SMYD4: variants seen among roughly 807,000 people sequenced by gnomAD.
SMYD4 encodes protein-lysine N-methyltransferase SMYD4.
In SMYD4, 68 loss-of-function variants were observed where a neutral mutation model predicts 72.8. The observed-to-expected ratio is 0.93, with a 90% CI of 0.77 to 1.14. SMYD4 has a LOEUF of 1.14. Among genes scored for constraint, SMYD4 ranks in the 50% most tolerant of loss-of-function variants. The pLI is 0.00. For missense variants in SMYD4, 984 were observed against 1,003.7 expected (o/e 0.98, Z 0.27); for synonymous variants, 407 against 388.6 (o/e 1.05, Z -0.56).
chr17:1,812,611 T>C, intron 2 of SMYD4, among the ~76,000 whole-genome samples: 1 of 141,584 alleles, frequency 7.1e-6, no homozygotes, highest in East Asian at 2.2e-4. Flanking sequence ...TGCAGAATCA[T>C]GATCTCGGCT....
At chr17:1,788,103 A>C (rs529069490) in intron 5 of SMYD4, among the ~76,000 whole-genome samples, 4 of 152,266 alleles carry the variant, frequency 2.6e-5, no homozygotes, top group African/African-American at 7.2e-5. Flanking sequence ...CCTGCCTGAA[A>C]TCCCGAGGCT....
chr17:1,801,887 A>G (rs894537235), intron 4 of SMYD4, among the ~76,000 whole-genome samples: 1 of 151,912 alleles, frequency 6.6e-6, no homozygotes, highest in African/African-American at 2.4e-5. Flanking sequence ...GAGGCAGGAG[A>G]AACGCTTGAA....
intron 3 of SMYD4, 89 bp from the exon 4 acceptor site, chr17:1,804,804 G>T: frequency 1.5e-6 from 2 of 1,309,662 alleles, no homozygotes; most frequent in South Asian, 1.2e-5. Context: ...TAGTACTGAA[G>T]ACTGTGTGAA....
intron 2 of SMYD4, among the ~76,000 whole-genome samples, chr17:1,818,643 G>C (rs1008455619): frequency 6.6e-6 from 1 of 151,850 alleles, no homozygotes; most frequent in Non-Finnish European, 1.5e-5. Context: ...TTAGATAGTG[G>C]TATAATTTTT....
Position 1,828,023 on chromosome 17 carries a change from A to C in SMYD4, c.-12-17T>G. 1 of 1,590,058 alleles carries C rather than the reference A, an allele frequency of 6.3e-7. No individual in the cohort carries two copies. Among genetic ancestry groups the C allele is most frequent in the Non-Finnish European group, 8.6e-7 (1 of 1,160,276 alleles). The stretch of plus-strand genomic sequence containing the variant: ...GCTTTTGATCTATAAAATGAGTAAG[A>C]AAATAGGAATCTTACAAATGCACAA... On this transcript the variant is annotated splice_polypyrimidine_tract_variant and intron_variant, in intron 1 of 10. Coordinates refer to ENST00000305513, the MANE Select transcript of SMYD4 (RefSeq NM_052928.3).
chr17:1,785,937 G>A (rs1390215224), intron 7 of SMYD4, among the ~76,000 whole-genome samples: 1 of 152,178 alleles, frequency 6.6e-6, no homozygotes, highest in East Asian at 1.9e-4. Context: ...CCTCCGAGGT[G>A]GACATCTGCT....
intron 5 of SMYD4, among the ~76,000 whole-genome samples, chr17:1,794,920 G>A (rs1054509022): frequency 4.6e-5 from 7 of 152,054 alleles, no homozygotes; most frequent in African/African-American, 1.4e-4. Flanking sequence ...TATCGAAGCC[G>A]TCTTTCATAT....
intron 4 of SMYD4, among the ~76,000 whole-genome samples, chr17:1,803,242 A>C (rs962034877): frequency 5.3e-5 from 8 of 152,240 alleles, no homozygotes; most frequent in African/African-American, 1.9e-4. Flanking sequence ...ATTCACAGAA[A>C]GCTGACCTCA....
chr17:1,794,105 A>ATATATATATATTTTTTTTT (rs1291818005), intron 5 of SMYD4, among the ~76,000 whole-genome samples: 2 of 12,982 alleles, frequency 1.5e-4, no homozygotes, highest in Non-Finnish European at 2.8e-4. Flanking sequence ...ATATATATAT[A>ATATATATATATTTTTTTTT]TTTTTTTTTT....
At chr17:1,788,848 C>A (rs1233090754) in intron 5 of SMYD4, among the ~76,000 whole-genome samples, 1 of 152,196 alleles carries the variant, frequency 6.6e-6, no homozygotes, top group Non-Finnish European at 1.5e-5. Context: ...TCTACCTGTG[C>A]TGGCTTTTCT....
Position 1,780,259 on chromosome 17 carries a change from C to T in SMYD4, c.*1027G>A, listed in dbSNP as rs1034509170. On this transcript the variant is annotated 3_prime_UTR_variant, in exon 11 of 11. Coordinates refer to ENST00000305513, the MANE Select transcript of SMYD4 (RefSeq NM_052928.3). ...TTGAGACAGGGTCTTACTCTGTCAC[C>T]CAGGCTGGAGTGCAGTAGTGCGATC... 1 of 152,138 alleles carries T rather than the reference C, an allele frequency of 6.6e-6. No homozygotes were observed. Among genetic ancestry groups the T allele is most frequent in the African/African-American group, 2.4e-5 (1 of 41,412 alleles). 9.4% of individuals were successfully genotyped at this position (152,138 alleles called of 1,614,324 possible).
In SMYD4 at chr17:1,808,460, TAA is replaced by T. The variant is rs1170800723; in HGVS notation, c.279+3509_279+3510del. Among the ~76,000 whole-genome samples, 5 of 152,342 alleles carry T rather than the reference TAA, an allele frequency of 3.3e-5. No homozygotes were observed. The East Asian group carries it at 9.6e-4, about 29-fold the overall frequency. On this transcript the variant is annotated intron_variant, in intron 3 of 10. Transcript: ENST00000305513. ...GCTGGATGGACGTAAGCAAAAATGT[TAA>T]CAGTGCCTATCACTGGTTATGAGGT...
chr17:1,783,690 C>T, intron 8 of SMYD4: 1 of 720,224 alleles, frequency 1.4e-6, no homozygotes, highest in Non-Finnish European at 2.2e-6. Context: ...GGGAGGCCTC[C>T]CCACATTTAC....
At chr17:1,809,069 G>A (rs965122967) in intron 3 of SMYD4, among the ~76,000 whole-genome samples, 5 of 152,114 alleles carry the variant, frequency 3.3e-5, no homozygotes, top group Admixed American at 2.6e-4. Context: ...CAGAGACAGG[G>A]CCTCGCTGTG....
chr17:1,786,616 C>T (rs1429205670), intron 7 of SMYD4, among the ~76,000 whole-genome samples, 194 bp downstream of exon 7: 1 of 152,188 alleles, frequency 6.6e-6, no homozygotes, highest in African/African-American at 2.4e-5. Flanking sequence ...ATAAAGGAAA[C>T]ATTACTAAAT....
At chr17:1,791,291 C>T (rs758760587) in intron 5 of SMYD4, among the ~76,000 whole-genome samples, 17 of 151,928 alleles carry the variant, frequency 1.1e-4, no homozygotes, top group East Asian at 3.9e-4. Flanking sequence ...ACACGTGTCA[C>T]GGTCTAGAAA....
intron 3 of SMYD4, among the ~76,000 whole-genome samples, chr17:1,809,541 A>C (rs1299695464): frequency 7.1e-6 from 1 of 141,192 alleles, no homozygotes; most frequent in African/African-American, 2.6e-5. Flanking sequence ...CGCCCAGCTA[A>C]TTTTTTTGTA....
chr17:1,821,670 C>T (rs1910896702), intron 2 of SMYD4, among the ~76,000 whole-genome samples: 1 of 152,150 alleles, frequency 6.6e-6, no homozygotes, highest in Non-Finnish European at 1.5e-5. Context: ...GTGGCTCACA[C>T]CTGTAATCCC....
chr17:1,797,713 G>C (rs970220434), intron 5 of SMYD4, among the ~76,000 whole-genome samples: 2 of 152,120 alleles, frequency 1.3e-5, no homozygotes, highest in African/African-American at 4.8e-5. Flanking sequence ...TTAAGGGTCT[G>C]ATATCTGGCC....
Sources: allele counts gnomAD v4.1 joint callset (sites outside exome capture counted in the v4.1 genomes callset), GRCh38; gene constraint gnomAD v4.1.1; transcripts MANE v1.5; gene names NCBI Gene and HGNC (gene_info 2026-07-23, HGNC 2026-07-21).